Variants in ADGRA3 observed in about 807,000 individuals in gnomAD.
ADGRA3 encodes G-protein coupled receptor 125.
A neutral mutation model predicts 119.8 loss-of-function variants in ADGRA3; 56 were observed. The ratio of observed to expected loss-of-function variants is 0.47; its 90% confidence interval spans 0.38 to 0.58. The LOEUF (loss-of-function observed/expected upper bound fraction) is 0.58, where lower values mean the gene tolerates loss of function less well. Ranked by LOEUF, ADGRA3 falls within the 20% of genes least tolerant of loss-of-function variation. The probability of loss-of-function intolerance (pLI) is 0.00; values close to 1 mark genes in which losing one functional copy is unlikely to be tolerated. For synonymous variants in ADGRA3, 607 were observed against 623.8 expected, an observed-to-expected ratio of 0.97 and a Z score of 0.40; for missense variants, 1,516 against 1,649.0, an observed-to-expected ratio of 0.92 and a Z score of 1.40.
At chr4:22,449,833 T>G (rs1577355925) in intron 4 of ADGRA3, among the ~76,000 whole-genome samples, 1 of 143,478 alleles carries the variant, frequency 7.0e-6, no homozygotes, top group African/African-American at 2.7e-5. Flanking sequence ...GGTAACAGAG[T>G]GAAACTCTGT....
intron 6 of ADGRA3, chr4:22,443,149 A>G (rs747716514): frequency 1.5e-6 from 1 of 656,176 alleles, no homozygotes; most frequent in South Asian, 1.7e-5. Context: ...CTAAAAGAAC[A>G]AGCTGTGCTC....
chr4:22,413,959 A>G, intron 12 of ADGRA3, 145 bp from the exon 13 acceptor site: 1 of 567,286 alleles, frequency 1.8e-6, no homozygotes, highest in Non-Finnish European at 3.0e-6. Context: ...AGTTAAAAAA[A>G]TCATCAGTCA....
rs1397159822 is a variant in ADGRA3, at chr4:22,387,515, G to A, written c.*190C>T. ...GACAACTAAAACAATGTTTTAGAAA[G>A]ATTTTGTTTCAGATCCTAAAAAATA... On this transcript the variant is annotated 3_prime_UTR_variant, in exon 19 of 19. Transcript: ENST00000334304. 1.4e-5 allele frequency: 7 copies of A among 516,580 alleles called. No homozygotes were observed. The highest frequency in any genetic ancestry group is 6.1e-5 in the East Asian group (2 of 32,758). The allele number at this position is 516,580 out of a possible 1,614,324, so 32.0% of individuals were successfully genotyped here. A position where few individuals can be genotyped will look rare whatever the true frequency, so the allele number is the denominator to read the frequency against.
intron 5 of ADGRA3, among the ~76,000 whole-genome samples, chr4:22,445,802 A>G (rs1716810445): frequency 6.6e-6 from 1 of 152,232 alleles, no homozygotes. Context: ...AAGATAGTAA[A>G]GAAATGTCTT....
At chr4:22,436,750 AC>A in intron 8 of ADGRA3, 109 bp from the exon 9 acceptor site, 2 of 885,910 alleles carry the variant, frequency 2.3e-6, no homozygotes, top group Non-Finnish European at 3.5e-6. Context: ...TGTCAATACA[AC>A]CCTGACACGG....
At chr4:22,508,161 T>C (rs550553727) in intron 1 of ADGRA3, among the ~76,000 whole-genome samples, 8 of 152,118 alleles carry the variant, frequency 5.3e-5, no homozygotes, top group South Asian at 2.1e-4. Context: ...ACCAGTATCA[T>C]AGAAAGTGAC....
At chr4:22,475,596 G>A (rs946317771) in intron 1 of ADGRA3, among the ~76,000 whole-genome samples, 4 of 152,090 alleles carry the variant, frequency 2.6e-5, no homozygotes, top group African/African-American at 9.7e-5. Flanking sequence ...GCGTAGTGGT[G>A]GGCACCTATA....
intron 1 of ADGRA3, among the ~76,000 whole-genome samples, chr4:22,512,170 C>T (rs1218774563): frequency 6.6e-6 from 1 of 151,950 alleles, no homozygotes; most frequent in South Asian, 2.1e-4. Flanking sequence ...CAAAGTACTG[C>T]GATTACAGGT....
At chr4:22,421,260 A>C (rs2323520) in intron 11 of ADGRA3, among the ~76,000 whole-genome samples, 171 bp from the exon 12 acceptor site, 100,773 of 149,878 alleles carry the variant, frequency 0.67, 35,062 homozygotes, top group Non-Finnish European at 0.77. Flanking sequence ...AAAAAAAAGA[A>C]AGACAGACCC....
At chr4:22,450,950 AAATATAT>A (rs1378782258) in intron 4 of ADGRA3, among the ~76,000 whole-genome samples, 14 of 121,328 alleles carry the variant, frequency 1.2e-4, no homozygotes, top group African/African-American at 4.2e-4. Flanking sequence ...AAAAAAAAAA[AAATATAT>A]ATATATATAT....
chr4:22,472,928 A>C (rs996526927), intron 2 of ADGRA3: 11 of 152,226 alleles, frequency 7.2e-5, no homozygotes, highest in Non-Finnish European at 1.5e-4. Flanking sequence ...CAGCGTTCAG[A>C]ATACAAGTAA....
chr4:22,441,462 C>G (rs1248869614), intron 7 of ADGRA3, among the ~76,000 whole-genome samples: 1 of 152,152 alleles, frequency 6.6e-6, no homozygotes, highest in Non-Finnish European at 1.5e-5. Flanking sequence ...GCTTTGCTGG[C>G]TACGAAGCAA....
At chr4:22,504,597 T>C (rs1719172244) in intron 1 of ADGRA3, among the ~76,000 whole-genome samples, 1 of 152,142 alleles carries the variant, frequency 6.6e-6, no homozygotes, top group Non-Finnish European at 1.5e-5. Context: ...CTGGCTTCTA[T>C]GAATAAGGCC....
At chr4:22,406,675 G>A (rs751753503) in intron 14 of ADGRA3, among the ~76,000 whole-genome samples, 5 of 151,936 alleles carry the variant, frequency 3.3e-5, no homozygotes, top group Non-Finnish European at 7.4e-5. Flanking sequence ...AGTTGTTTCA[G>A]TTCCTTATTA....
chr4:22,388,595 C>T lies in ADGRA3; in HGVS notation c.3076G>A (p.Val1026Ile), dbSNP rs772999406. 4 of 1,614,026 alleles carry T rather than the reference C, an allele frequency of 2.5e-6. No individual in the cohort carries two copies. In the Admixed American group the frequency reaches 5.0e-5, roughly 20 times the overall value. The change falls in exon 19 of 19, where the codon GTT becomes ATT. Residue 1026 changes from valine (V) to isoleucine (I), a missense_variant. By Grantham distance (29) the Val-to-Ile change is conservative. Coordinates refer to ENST00000334304, the MANE Select transcript of ADGRA3 (RefSeq NM_145290.4). ...AVSLYYPLDL[V>I]FSFVFGATSL... ...GTGGCTCCAAAAACGAAGCTAAAAA[C>T]CAAGTCCAAAGGGTAATACAAAGAA...
At chr4:22,390,777 G>A (rs1577318333) in intron 17 of ADGRA3, among the ~76,000 whole-genome samples, 1 of 152,046 alleles carries the variant, frequency 6.6e-6, no homozygotes. Flanking sequence ...GTCATTTGGG[G>A]ACTGCAGAGA....
chr4:22,486,042 C>A (rs1173932033), intron 1 of ADGRA3, among the ~76,000 whole-genome samples: 1 of 152,178 alleles, frequency 6.6e-6, no homozygotes, highest in African/African-American at 2.4e-5. Context: ...CCACTTCTGT[C>A]TCTATTGGGT....
chr4:22,427,899 AG>A (rs1444805884), intron 10 of ADGRA3, among the ~76,000 whole-genome samples: 1 of 152,224 alleles, frequency 6.6e-6, no homozygotes, highest in Non-Finnish European at 1.5e-5. Flanking sequence ...CTAAAGTGGG[AG>A]GAACAACCGA....
intron 1 of ADGRA3, among the ~76,000 whole-genome samples, chr4:22,475,734 AAAAT>A (rs796545683): frequency 1.1e-3 from 169 of 151,626 alleles, no homozygotes; most frequent in East Asian, 7.3e-3. Context: ...CTCGGAAAAA[AAAAT>A]AAATAAATAA....
Sources: allele counts gnomAD v4.1 joint callset (sites outside exome capture counted in the v4.1 genomes callset), GRCh38; gene constraint gnomAD v4.1.1; transcripts MANE v1.5; gene names NCBI Gene and HGNC (gene_info 2026-07-23, HGNC 2026-07-21).